The following NGEF variants were observed in gnomAD, a reference collection of about 807,000 sequenced individuals.
NGEF encodes the protein neuronal guanine nucleotide exchange factor.
In NGEF, 31 loss-of-function variants were observed where a neutral mutation model predicts 80.9. The observed-to-expected ratio is 0.38, with a 90% confidence interval of 0.29 to 0.52. The LOEUF (loss-of-function observed/expected upper bound fraction) is 0.52, where lower values mean the gene tolerates loss of function less well. Among genes scored for constraint, NGEF ranks in the 20% least tolerant of loss-of-function variants. The pLI is 0.84. For missense variants in NGEF, 709 were observed against 926.2 expected (o/e 0.77, Z 3.04); for synonymous variants, 371 against 370.2 (o/e 1.00, Z -0.03).
chr2:232,925,881 C>T (rs891022678), intron 4 of NGEF, among the ~76,000 whole-genome samples: 2 of 152,198 alleles, frequency 1.3e-5, no homozygotes, highest in African/African-American at 4.8e-5. Flanking sequence ...ACCACCACCA[C>T]CACCACCCAG....
intron 3 of NGEF, among the ~76,000 whole-genome samples, chr2:232,935,019 AT>A (rs769424747): frequency 8.6e-5 from 13 of 150,800 alleles, no homozygotes; most frequent in East Asian, 5.9e-4. Context: ...AAAAAAAAAA[AT>A]AATAATAAGA....
At chr2:232,950,447 C>G (rs1301115344) in intron 3 of NGEF, among the ~76,000 whole-genome samples, 2 of 151,956 alleles carry the variant, frequency 1.3e-5, no homozygotes, top group Non-Finnish European at 2.9e-5. Flanking sequence ...GTGGGACCCC[C>G]CACCCCCAAA....
chr2:232,960,937 T>C (rs1319215582), intron 3 of NGEF, among the ~76,000 whole-genome samples: 51 of 152,106 alleles, frequency 3.4e-4, no homozygotes, highest in Non-Finnish European at 1.2e-4. Context: ...AGTGTAAAGG[T>C]GCTTGACATA....
intron 3 of NGEF, among the ~76,000 whole-genome samples, chr2:232,965,663 T>C (rs1225195854): frequency 6.6e-6 from 1 of 152,158 alleles, no homozygotes; most frequent in East Asian, 1.9e-4. Flanking sequence ...CTCAAAGCCC[T>C]CTGAACCTGA....
chr2:232,905,659 G>C (rs1449294853), intron 5 of NGEF: 2 of 371,568 alleles, frequency 5.4e-6, no homozygotes, highest in East Asian at 1.3e-4. Flanking sequence ...GAAGTGAGGA[G>C]CGCCTCTTCC....
intron 3 of NGEF, among the ~76,000 whole-genome samples, chr2:232,944,726 A>AACAT (rs988760226): frequency 9.2e-6 from 1 of 108,722 alleles, no homozygotes; most frequent in Admixed American, 9.4e-5. Flanking sequence ...GACTTTTCCG[A>AACAT]ATATATATAT....
At chr2:232,984,556 A>G (rs1694496748) in intron 1 of NGEF, among the ~76,000 whole-genome samples, 1 of 152,164 alleles carries the variant, frequency 6.6e-6, no homozygotes, top group African/African-American at 2.4e-5. Context: ...GCCAGAGGGG[A>G]AAGAACAAGC....
At chr2:232,921,627 C>CTTTT (rs34498818) in intron 4 of NGEF, among the ~76,000 whole-genome samples, 3 of 139,668 alleles carry the variant, frequency 2.1e-5, no homozygotes, top group African/African-American at 5.3e-5. Context: ...AGTTTTTCCT[C>CTTTT]TTTTTTTTTT....
At chr2:232,973,244 G>A (rs1391914262) in intron 2 of NGEF, among the ~76,000 whole-genome samples, 1 of 152,180 alleles carries the variant, frequency 6.6e-6, no homozygotes, top group East Asian at 1.9e-4. Context: ...GCTTCCTCGT[G>A]TGTGAGAATG....
intron 5 of NGEF, among the ~76,000 whole-genome samples, chr2:232,907,519 T>A (rs558899140): frequency 6.6e-6 from 1 of 152,248 alleles, no homozygotes; most frequent in Admixed American, 6.5e-5. Context: ...CACATGAAGG[T>A]CTTTAACATA....
intron 2 of NGEF, among the ~76,000 whole-genome samples, chr2:232,973,976 G>A (rs1348124719): frequency 2.0e-5 from 3 of 151,992 alleles, no homozygotes; most frequent in Admixed American, 6.6e-5. Context: ...TGTGCCTCCC[G>A]GGCTGGGAAA....
intron 3 of NGEF, among the ~76,000 whole-genome samples, chr2:232,936,495 T>A (rs1693325909): frequency 6.6e-6 from 1 of 152,102 alleles, no homozygotes; most frequent in African/African-American, 2.4e-5. Context: ...GGTCTCTGGG[T>A]CATGTAGTAT....
At chr2:232,960,441 C>A (rs1693924859) in intron 3 of NGEF, among the ~76,000 whole-genome samples, 1 of 152,114 alleles carries the variant, frequency 6.6e-6, no homozygotes, top group South Asian at 2.1e-4. Context: ...GGAACACCCT[C>A]CTTCTCATAG....
intron 3 of NGEF, among the ~76,000 whole-genome samples, chr2:232,957,735 C>T (rs1693859051): frequency 6.6e-6 from 1 of 152,240 alleles, no homozygotes; most frequent in African/African-American, 2.4e-5. Context: ...TGTCTGGTCA[C>T]CTCTGGGTGT....
At chr2:232,948,850 T>C (rs1041275941) in intron 3 of NGEF, among the ~76,000 whole-genome samples, 1 of 151,964 alleles carries the variant, frequency 6.6e-6, no homozygotes, top group African/African-American at 2.4e-5. Flanking sequence ...AAACCCTGTC[T>C]CTACTAAAAA....
At chr2:232,924,238 A>AAAAT (rs924300246) in intron 4 of NGEF, among the ~76,000 whole-genome samples, 8 of 152,096 alleles carry the variant, frequency 5.3e-5, no homozygotes, top group Non-Finnish European at 8.8e-5. Flanking sequence ...CTCCATCCCC[A>AAAAT]AAATAAATAA....
intron 14 of NGEF, among the ~76,000 whole-genome samples, chr2:232,879,974 G>A (rs1461141584): frequency 6.7e-6 from 1 of 149,770 alleles, no homozygotes; most frequent in Non-Finnish European, 1.5e-5. Context: ...TGCCCTACAC[G>A]AGCCCAGGAG....
chr2:232,896,156 C>G (rs1562288), intron 5 of NGEF, among the ~76,000 whole-genome samples: 108,695 of 152,156 alleles, frequency 0.71, 38,854 homozygotes, highest in East Asian at 0.76. Context: ...ACCCCAGCAC[C>G]TGTGAATGGG....
rs554243917 is a variant in NGEF, at chr2:232,892,761, C to T, written c.1142+137G>A. On this transcript the variant is annotated intron_variant, in intron 7 of 14. Transcript: ENST00000264051. This position sits in a 1 kb window ranked among gnomAD's most constrained non-coding sequence, Gnocchi z 4.0. ...TGTCACCAGTATCCCTGGCCAACTCCGGTGGCTCATGTGGACCTTGGGAAC... is the reference window on the plus strand; with the variant it reads ...TGTCACCAGTATCCCTGGCCAACTCTGGTGGCTCATGTGGACCTTGGGAAC... 508 of 933,252 alleles carry T rather than the reference C, an allele frequency of 5.4e-4. 4 individuals are homozygous for T. In the African/African-American group the frequency reaches 7.5e-3, roughly 14 times the overall value. The allele number at this position is 933,252 out of a possible 1,614,324, so 57.8% of individuals were successfully genotyped here.
Sources: gnomAD v4.1 joint callset for allele counts (sites outside exome capture counted in the v4.1 genomes callset) on GRCh38, gnomAD v4.1.1 for gene constraint, Gnocchi (gnomAD v3.1) non-coding constraint, MANE v1.5 for transcripts, NCBI Gene and HGNC (gene_info 2026-07-23, HGNC 2026-07-21) for gene names.